The following LIPA variants were observed in gnomAD, a reference collection of about 807,000 sequenced individuals.
LIPA encodes the protein lipase A, lysosomal acid type, also known as lysosomal acid lipase/cholesteryl ester hydrolase.
In LIPA, 26 loss-of-function variants were observed where a neutral mutation model predicts 40.6. That is an observed-to-expected ratio of 0.64 (90% CI 0.47 to 0.89). LIPA has a LOEUF of 0.89. LIPA is among the 40% of genes least tolerant of loss of function. LIPA has a pLI of 0.00. For missense variants in LIPA, 455 were observed against 479.6 expected (o/e 0.95, Z 0.48); for synonymous variants, 188 against 168.4 (o/e 1.12, Z -0.90).
intron 1 of LIPA, among the ~76,000 whole-genome samples, chr10:89,341,654 ACTTG>A (rs1376376009): frequency 6.6e-6 from 1 of 152,214 alleles, no homozygotes; most frequent in African/African-American, 2.4e-5. Context: ...ACACCTGGAA[ACTTG>A]CTTGTAGGTT....
At chr10:89,282,221 A>AT (rs1274750892) in intron 1 of LIPA, among the ~76,000 whole-genome samples, 1 of 152,210 alleles carries the variant, frequency 6.6e-6, no homozygotes, top group East Asian at 1.9e-4. Context: ...CAGACCAACG[A>AT]TTTTTATTTC....
chr10:89,358,037 G>GA (rs201053047), intron 2 of LIPA, among the ~76,000 whole-genome samples: 9 of 150,810 alleles, frequency 6.0e-5, no homozygotes, highest in Non-Finnish European at 7.4e-5. Flanking sequence ...GGATAACTGA[G>GA]AAAAAAAAAG....
upstream of LIPA, among the ~76,000 whole-genome samples, chr10:89,345,878 G>T (rs774017623): frequency 6.6e-6 from 1 of 152,114 alleles, no homozygotes; most frequent in Non-Finnish European, 1.5e-5. Flanking sequence ...TGGAGGAAAG[G>T]CAATAGTTGA....
intron 2 of LIPA, among the ~76,000 whole-genome samples, chr10:89,356,810 T>G (rs1843990907): frequency 6.6e-6 from 1 of 152,248 alleles, no homozygotes; most frequent in African/African-American, 2.4e-5. Context: ...AAAAACTGAC[T>G]TCCACAAAAC....
intron 1 of LIPA, among the ~76,000 whole-genome samples, chr10:89,413,993 C>G (rs1419057853): frequency 1.3e-5 from 2 of 152,124 alleles, no homozygotes; most frequent in African/African-American, 4.8e-5. Context: ...TTGACATTTT[C>G]TGCCTAGATC....
At chr10:89,277,285 G>A (rs1042186658) in intron 1 of LIPA, among the ~76,000 whole-genome samples, 4 of 152,190 alleles carry the variant, frequency 2.6e-5, no homozygotes, top group Non-Finnish European at 5.9e-5. Context: ...ACAAGTGTGC[G>A]ATCTTATACA....
Position 89,317,787 on chromosome 10 carries a change from G to A in LIPA, c.-2+24824C>T, listed in dbSNP as rs531934534. 5.3e-5 allele frequency among the ~76,000 whole-genome samples: 8 copies of A among 152,310 alleles called. No individual in the cohort carries two copies. The South Asian group carries it at 1.7e-3, about 32-fold the overall frequency. ...TTAGCAGATTCACCAAAGTTGAAATGAAGGAAAAAATGTTAAAGGCAGCCA... is the reference window on the plus strand; with the variant it reads ...TTAGCAGATTCACCAAAGTTGAAATAAAGGAAAAAATGTTAAAGGCAGCCA... On this transcript the variant is annotated intron_variant, in intron 1 of 5. Coordinates refer to the LIPA transcript ENST00000282673.
At chr10:89,307,218 T>C in intron 1 of LIPA, 1 of 1,613,952 alleles carries the variant, frequency 6.2e-7, no homozygotes, top group Non-Finnish European at 8.5e-7. Flanking sequence ...ATTGCCAAAA[T>C]GCGACTTTCT....
chr10:89,334,004 A>T (rs1309647456), intron 1 of LIPA, among the ~76,000 whole-genome samples: 1 of 152,256 alleles, frequency 6.6e-6, no homozygotes, highest in Non-Finnish European at 1.5e-5. Context: ...CCAACTGAGC[A>T]CAGGTCTGCC....
At chr10:89,328,071 G>A in intron 1 of LIPA, 1 of 1,613,970 alleles carries the variant, frequency 6.2e-7, no homozygotes. Context: ...ACAGAGGGCA[G>A]TCATGAGGTC....
chr10:89,249,789 T>G (rs938444840), intron 1 of LIPA, among the ~76,000 whole-genome samples: 2 of 152,230 alleles, frequency 1.3e-5, no homozygotes, highest in African/African-American at 2.4e-5. Context: ...TTGGAGGTGA[T>G]GTACAGGTTC....
At chr10:89,251,950 C>A (rs570237654), upstream of LIPA, 153 of 153,230 alleles carry the variant, frequency 1.0e-3, 1 homozygote, top group South Asian at 0.014. Context: ...CTTGCCAGCC[C>A]CCCAGTTGAC....
chr10:89,311,537 A>AC (rs1843515661), intron 1 of LIPA, among the ~76,000 whole-genome samples: 1 of 151,736 alleles, frequency 6.6e-6, no homozygotes, highest in Non-Finnish European at 1.5e-5. Context: ...AAAAAAAAAA[A>AC]AAAAAAAACC....
intron 2 of LIPA, among the ~76,000 whole-genome samples, chr10:89,351,971 C>G (rs766448190): frequency 6.6e-6 from 1 of 152,186 alleles, no homozygotes; most frequent in Non-Finnish European, 1.5e-5. Flanking sequence ...TAATATACCC[C>G]CTCTTGGCCA....
At chr10:89,359,855 A>C (rs1178342782) in intron 2 of LIPA, among the ~76,000 whole-genome samples, 1 of 150,826 alleles carries the variant, frequency 6.6e-6, no homozygotes, top group African/African-American at 2.4e-5. Flanking sequence ...ACACACACAC[A>C]CACAATGATA....
chr10:89,351,708 A>G (rs1359984270), intron 2 of LIPA, among the ~76,000 whole-genome samples: 1 of 152,218 alleles, frequency 6.6e-6, no homozygotes, highest in East Asian at 1.9e-4. Context: ...TCAGAGAGCC[A>G]TGGTCCAAGT....
At chr10:89,391,607 G>A (rs576516222) in intron 2 of LIPA, among the ~76,000 whole-genome samples, 1 of 151,506 alleles carries the variant, frequency 6.6e-6, no homozygotes, top group South Asian at 2.1e-4. Flanking sequence ...TCGGCTCACT[G>A]CAACCTCTGC....
intron 1 of LIPA, among the ~76,000 whole-genome samples, chr10:89,314,225 G>A (rs1843530451): frequency 6.6e-6 from 1 of 152,178 alleles, no homozygotes; most frequent in Admixed American, 6.5e-5. Context: ...GGTGTGCTAT[G>A]AAAATCTGGT....
intron 2 of LIPA, among the ~76,000 whole-genome samples, chr10:89,385,897 T>C (rs1410565399): frequency 2.6e-5 from 4 of 152,222 alleles, no homozygotes; most frequent in Non-Finnish European, 5.9e-5. Context: ...GTGTATTTTA[T>C]TAGTGATATT....
Sources: allele counts gnomAD v4.1 joint callset (sites outside exome capture counted in the v4.1 genomes callset), GRCh38; gene constraint gnomAD v4.1.1; transcripts MANE v1.5; gene names NCBI Gene and HGNC (gene_info 2026-07-23, HGNC 2026-07-21).